ZNF678: variants seen among roughly 807,000 people sequenced by gnomAD.
The protein encoded by ZNF678 is zinc finger protein 678.
A neutral mutation model predicts 3.0 loss-of-function variants in ZNF678; 5 were observed. The ratio of observed to expected loss-of-function variants is 1.69; its 90% CI spans 0.88 to 3.56. The LOEUF is 3.56. Ranked by LOEUF, ZNF678 falls within the 30% of genes most tolerant of loss-of-function variation. ZNF678 has a pLI of 0.00. For synonymous variants in ZNF678, 218 were observed against 199.6 expected, an observed-to-expected ratio of 1.09 and a Z score of -0.78; for missense variants, 593 against 605.0, an observed-to-expected ratio of 0.98 and a Z score of 0.21.
intron 1 of ZNF678, among the ~76,000 whole-genome samples, chr1:227,588,930 C>A (rs1408187635): frequency 6.6e-6 from 1 of 150,600 alleles, no homozygotes; most frequent in African/African-American, 2.5e-5. Context: ...TTATTGGCTG[C>A]ATGTATGTCT....
At chr1:227,586,239 A>G (rs558126931) in intron 1 of ZNF678, among the ~76,000 whole-genome samples, 16 of 152,336 alleles carry the variant, frequency 1.1e-4, no homozygotes, top group African/African-American at 3.6e-4. Flanking sequence ...TAGTCATTCA[A>G]ATGAACAACA....
downstream of ZNF678, among the ~76,000 whole-genome samples, chr1:227,665,280 C>T (rs887626793): frequency 6.6e-6 from 1 of 152,144 alleles, no homozygotes; most frequent in African/African-American, 2.4e-5. Context: ...GGTTAAAATC[C>T]AAATATTGCC....
At chr1:227,586,298 G>C (rs181583985) in intron 1 of ZNF678, among the ~76,000 whole-genome samples, 1 of 152,170 alleles carries the variant, frequency 6.6e-6, no homozygotes, top group African/African-American at 2.4e-5. Flanking sequence ...AACTGTCTTA[G>C]GAAGCACAGA....
intron 1 of ZNF678, among the ~76,000 whole-genome samples, chr1:227,589,748 GATAAC>G (rs1443608796): frequency 4.6e-5 from 7 of 151,792 alleles, no homozygotes; most frequent in Non-Finnish European, 8.8e-5. Context: ...GGAATCTATA[GATAAC>G]ATAACAGGTT....
intron 1 of ZNF678, among the ~76,000 whole-genome samples, chr1:227,567,294 T>A (rs1225689740): frequency 6.6e-6 from 1 of 152,236 alleles, no homozygotes; most frequent in African/African-American, 2.4e-5. Context: ...AACACTGTCT[T>A]TGAGTGATTT....
rs1657843725 is a variant in ZNF678, at chr1:227,605,553, G to A, written c.-163-40991G>A. ...TTTTTTTCACTAAGTAATATTTACC[G>A]TACATTTTATATAGGTGCCCTTTAA... On this transcript the variant is annotated intron_variant, in intron 1 of 3. Coordinates refer to ENST00000343776, the MANE Select transcript of ZNF678 (RefSeq NM_001367909.1). 3.9e-5 allele frequency among the ~76,000 whole-genome samples: 6 copies of A among 152,198 alleles called. No individual in the cohort carries two copies. In the South Asian group the frequency reaches 8.3e-4, roughly 21 times the overall value.
chr1:227,625,184 G>A (rs921549745), intron 1 of ZNF678, among the ~76,000 whole-genome samples: 3 of 152,154 alleles, frequency 2.0e-5, no homozygotes, highest in Non-Finnish European at 2.9e-5. Flanking sequence ...TGAGTTACAA[G>A]CCCCGTGTTT....
Position 227,654,647 on chromosome 1 carries a change from G to A in ZNF678, c.397G>A (p.Val133Ile). The change falls in exon 4 of 4, where the codon GTT becomes ATT. Residue 133 changes from valine to isoleucine, a missense_variant. Physicochemically the swap from Val to Ile is conservative, Grantham distance 29. Coordinates refer to ENST00000343776, the MANE Select transcript of ZNF678 (RefSeq NM_001367909.1). ...KPYKCEECGK[V>I]FNRCSNLTKH... ...ATACAAATGTGAAGAATGTGGCAAA[G>A]TTTTCAATCGATGTTCAAACCTAAC... 1 of 1,613,138 alleles carries A rather than the reference G, an allele frequency of 6.2e-7. No homozygotes were observed. The highest frequency in any genetic ancestry group is 1.1e-5 in the South Asian group (1 of 91,042).
At chr1:227,574,319 C>T (rs558387663) in intron 1 of ZNF678, among the ~76,000 whole-genome samples, 4 of 152,252 alleles carry the variant, frequency 2.6e-5, no homozygotes, top group South Asian at 2.1e-4. Context: ...TCTCTGCAAC[C>T]GTGCCAGCAT....
intron 1 of ZNF678, among the ~76,000 whole-genome samples, chr1:227,631,902 C>T (rs186139921): frequency 1.3e-5 from 2 of 152,306 alleles, no homozygotes; most frequent in African/African-American, 4.8e-5. Context: ...TTGCTCATTG[C>T]CCCCATTTGC....
chr1:227,634,590 G>T (rs976728994), intron 1 of ZNF678, among the ~76,000 whole-genome samples: 1 of 152,184 alleles, frequency 6.6e-6, no homozygotes, highest in Non-Finnish European at 1.5e-5. Context: ...TACTCTCCAT[G>T]GTCTGTGATC....
chr1:227,571,233 C>T (rs1345104004), intron 1 of ZNF678, among the ~76,000 whole-genome samples: 3 of 152,086 alleles, frequency 2.0e-5, no homozygotes, highest in Admixed American at 1.3e-4. Flanking sequence ...ATTGTACTGC[C>T]ATACACCACA....
chr1:227,676,913 G>A (rs940955101), intron 5 of ZNF678, among the ~76,000 whole-genome samples: 4 of 152,082 alleles, frequency 2.6e-5, no homozygotes, highest in Non-Finnish European at 4.4e-5. Flanking sequence ...TCTTAATCCA[G>A]TCTATCATTG....
rs765364795 is a variant in ZNF678, at chr1:227,650,983, G to A, written c.-9G>A. 6.2e-6 allele frequency: 10 copies of A among 1,611,668 alleles called. No individual in the cohort carries two copies. The Admixed American group carries it at 8.3e-5, about 13-fold the overall frequency. On this transcript the variant is annotated 5_prime_UTR_variant, in exon 3 of 4. Transcript: ENST00000343776. ...CTTCCAGGACTATGTTAAAATAGAA[G>A]CATTGATAATGGGCACAATATCACT...
chr1:227,617,919 G>A (rs1658181404), intron 1 of ZNF678, among the ~76,000 whole-genome samples: 1 of 152,134 alleles, frequency 6.6e-6, no homozygotes, highest in African/African-American at 2.4e-5. Context: ...AGCCACCCCT[G>A]TCTTTAGCTA....
At chr1:227,608,349 T>C (rs905311222) in intron 1 of ZNF678, among the ~76,000 whole-genome samples, 1 of 152,106 alleles carries the variant, frequency 6.6e-6, no homozygotes, top group Non-Finnish European at 1.5e-5. Flanking sequence ...TCAACAAAGC[T>C]ATCTTAAAAT....
At chr1:227,624,294 C>A (rs1658353084) in intron 1 of ZNF678, among the ~76,000 whole-genome samples, 1 of 152,126 alleles carries the variant, frequency 6.6e-6, no homozygotes, top group Admixed American at 6.5e-5. Flanking sequence ...GAATAGAAAT[C>A]TCCACTGATG....
chr1:227,639,542 T>C (rs931212217), intron 1 of ZNF678, among the ~76,000 whole-genome samples: 3 of 152,176 alleles, frequency 2.0e-5, no homozygotes, highest in African/African-American at 7.2e-5. Context: ...TATTTTCTCA[T>C]GGCTTCAGTT....
At chr1:227,625,266 C>T (rs1172671716) in intron 1 of ZNF678, among the ~76,000 whole-genome samples, 2 of 152,130 alleles carry the variant, frequency 1.3e-5, no homozygotes, top group African/African-American at 4.8e-5. Context: ...CCAGCCAGTC[C>T]TGTCTCTCAG....
Sources: gnomAD v4.1 joint callset for allele counts (sites outside exome capture counted in the v4.1 genomes callset) on GRCh38, gnomAD v4.1.1 for gene constraint, MANE v1.5 for transcripts, NCBI Gene and HGNC (gene_info 2026-07-23, HGNC 2026-07-21) for gene names.